The following MAPKAP1 variants were observed in gnomAD, a reference collection of about 807,000 sequenced individuals.
MAPKAP1 encodes the protein MAPK associated protein 1.
A neutral mutation model predicts 65.7 loss-of-function variants in MAPKAP1; 20 were observed. The observed-to-expected ratio is 0.30, with a 90% CI of 0.21 to 0.44. The LOEUF (loss-of-function observed/expected upper bound fraction) is 0.44. Among genes scored for constraint, MAPKAP1 ranks in the 20% least tolerant of loss-of-function variants. The probability of loss-of-function intolerance (pLI) is 1.00; values close to 1 mark genes in which losing one functional copy is unlikely to be tolerated. For synonymous variants in MAPKAP1, 222 were observed against 244.3 expected (o/e 0.91, Z 0.85); for missense variants, 423 against 648.0 (o/e 0.65, Z 3.77).
chr9:125,541,397 T>C (rs1830243718), intron 7 of MAPKAP1, among the ~76,000 whole-genome samples: 1 of 152,116 alleles, frequency 6.6e-6, no homozygotes, highest in Non-Finnish European at 1.5e-5. Flanking sequence ...CTTAAAAAAG[T>C]TTCACCTTCT....
intron 10 of MAPKAP1, among the ~76,000 whole-genome samples, chr9:125,444,935 T>G (rs1430684009): frequency 1.3e-5 from 2 of 152,216 alleles, no homozygotes; most frequent in African/African-American, 4.8e-5. Flanking sequence ...CTCCACATTA[T>G]TACTCTAAAA....
chr9:125,563,885 G>A (rs1354308946), intron 5 of MAPKAP1, among the ~76,000 whole-genome samples: 1 of 152,128 alleles, frequency 6.6e-6, no homozygotes, highest in African/African-American at 2.4e-5. Flanking sequence ...GCTAATTTTT[G>A]TATTTTTAGT....
chr9:125,509,045 ATT>A (rs928601785), intron 7 of MAPKAP1, among the ~76,000 whole-genome samples: 33 of 152,072 alleles, frequency 2.2e-4, no homozygotes, highest in African/African-American at 8.0e-4. Context: ...ACAAATTATA[ATT>A]TTTAAAATAT....
Position 125,686,068 on chromosome 9 carries a change from G to A in MAPKAP1, c.-69-13425C>T, listed in dbSNP as rs1474417140. On this transcript the variant is annotated intron_variant, in intron 1 of 11. Coordinates refer to ENST00000265960, the MANE Select transcript of MAPKAP1 (RefSeq NM_001006617.3). ...GCAGTGGCTCATGCCTGTAATCCCA[G>A]CACTTTGGGAAGCTGAGGTGGGCAG... Among the ~76,000 whole-genome samples the A allele has an allele frequency of 1.3e-5, 2 of 152,134 alleles. 1 individual carries two copies. Among genetic ancestry groups the A allele is most frequent in the Non-Finnish European group, 2.9e-5 (2 of 68,028 alleles).
intron 3 of MAPKAP1, among the ~76,000 whole-genome samples, chr9:125,664,175 C>T (rs1232236487): frequency 6.6e-6 from 1 of 151,260 alleles, no homozygotes; most frequent in African/African-American, 2.4e-5. Context: ...GGTAAAACCC[C>T]GTCTCTACCA....
chr9:125,675,006 C>T (rs1834604076), intron 1 of MAPKAP1, among the ~76,000 whole-genome samples: 1 of 152,098 alleles, frequency 6.6e-6, no homozygotes, highest in African/African-American at 2.4e-5. Context: ...TTAAATTTCA[C>T]TTGTAAAAAT....
At chr9:125,488,592 C>T (rs959076764) in intron 8 of MAPKAP1, among the ~76,000 whole-genome samples, 1 of 152,186 alleles carries the variant, frequency 6.6e-6, no homozygotes, top group Non-Finnish European at 1.5e-5. Flanking sequence ...GTTATCCACC[C>T]GCCTCGGCCT....
chr9:125,522,364 A>G (rs2133117920), intron 7 of MAPKAP1, among the ~76,000 whole-genome samples: 1 of 152,368 alleles, frequency 6.6e-6, no homozygotes, highest in East Asian at 1.9e-4. Context: ...CCAATGAATT[A>G]AATCAGTTGG....
intron 1 of MAPKAP1, among the ~76,000 whole-genome samples, chr9:125,691,504 G>A (rs1229332253): frequency 6.6e-6 from 1 of 152,132 alleles, no homozygotes; most frequent in African/African-American, 2.4e-5. Flanking sequence ...ACAAACCTGA[G>A]AGCCCAGGAG....
At chr9:125,561,545 T>C (rs1312868191) in intron 5 of MAPKAP1, among the ~76,000 whole-genome samples, 1 of 152,162 alleles carries the variant, frequency 6.6e-6, no homozygotes, top group Non-Finnish European at 1.5e-5. Context: ...TGCAGCCGGG[T>C]ACTAACTTAA....
At chr9:125,647,478 CTCAGA>C (rs1172540598) in intron 4 of MAPKAP1, among the ~76,000 whole-genome samples, 1 of 152,164 alleles carries the variant, frequency 6.6e-6, no homozygotes. Context: ...AAGAAACTGG[CTCAGA>C]TCCGAGCCGT....
intron 7 of MAPKAP1, among the ~76,000 whole-genome samples, chr9:125,519,588 C>T (rs1194526146): frequency 6.6e-6 from 1 of 151,110 alleles, no homozygotes; most frequent in African/African-American, 2.4e-5. Context: ...ATGATCATGC[C>T]ACTGCACTCC....
chr9:125,476,412 G>C (rs551640602), intron 9 of MAPKAP1, among the ~76,000 whole-genome samples: 1 of 152,230 alleles, frequency 6.6e-6, no homozygotes, highest in South Asian at 2.1e-4. Context: ...CCTCCTGATT[G>C]TGTCTTGGAA....
chr9:125,639,699 C>G (rs1833524322), intron 4 of MAPKAP1, among the ~76,000 whole-genome samples: 1 of 152,134 alleles, frequency 6.6e-6, no homozygotes, highest in Non-Finnish European at 1.5e-5. Flanking sequence ...GGAAATGTTA[C>G]AGAAGAGGTG....
chr9:125,459,576 G>GCCGAGGCTGGCGGAT (rs1479652426), intron 10 of MAPKAP1, among the ~76,000 whole-genome samples: 130 of 152,306 alleles, frequency 8.5e-4, no homozygotes, highest in African/African-American at 3.0e-3. Context: ...ACCTCAGGAG[G>GCCGAGGCTGGCGGAT]CCGAGGCTGG....
intron 1 of MAPKAP1, among the ~76,000 whole-genome samples, chr9:125,676,151 C>A (rs1162879540): frequency 6.6e-6 from 1 of 152,142 alleles, no homozygotes; most frequent in Non-Finnish European, 1.5e-5. Context: ...CTCTCATGCA[C>A]AATATGAAGG....
At chr9:125,462,963 C>G (rs1271632026) in intron 10 of MAPKAP1, among the ~76,000 whole-genome samples, 1 of 152,186 alleles carries the variant, frequency 6.6e-6, no homozygotes, top group African/African-American at 2.4e-5. Context: ...TGGCAGCTCT[C>G]AACAGTAAGG....
chr9:125,505,545 A>G (rs1564534737), intron 8 of MAPKAP1, among the ~76,000 whole-genome samples: 3 of 152,256 alleles, frequency 2.0e-5, no homozygotes, highest in African/African-American at 7.2e-5. Flanking sequence ...GCGGTATGGC[A>G]GAATATAACG....
chr9:125,453,571 C>T (rs1853045534), intron 10 of MAPKAP1, among the ~76,000 whole-genome samples: 2 of 152,330 alleles, frequency 1.3e-5, no homozygotes, highest in South Asian at 4.1e-4. Flanking sequence ...CTACACTGAA[C>T]TTGATAAATG....
Sources: gnomAD v4.1 joint callset for allele counts (sites outside exome capture counted in the v4.1 genomes callset) on GRCh38, gnomAD v4.1.1 for gene constraint, MANE v1.5 for transcripts, NCBI Gene and HGNC (gene_info 2026-07-23, HGNC 2026-07-21) for gene names.